Variants in USP9X observed in about 807,000 individuals in gnomAD.
USP9X encodes ubiquitin specific peptidase 9 X-linked, also known as ubiquitin carboxyl-terminal hydrolase 9X.
Under a neutral mutation model 190.3 loss-of-function variants are expected in USP9X, and 7 were observed. The observed-to-expected ratio is 0.04, with a 90% CI of 0.02 to 0.07. The LOEUF is 0.07. Among genes scored for constraint, USP9X ranks in the 10% least tolerant of loss-of-function variants. USP9X has a pLI of 1.00. For missense variants in USP9X, 1,010 were observed against 1,916.9 expected (o/e 0.53, Z 8.83); for synonymous variants, 645 against 659.5 (o/e 0.98, Z 0.34).
At chrX:41,130,111 A>G (rs2062295658) in intron 3 of USP9X, among the ~76,000 whole-genome samples, 1 of 111,841 alleles carries the variant, frequency 8.9e-6, no homozygotes, top group Non-Finnish European at 1.9e-5. Context: ...ACTATCATAT[A>G]TGAATTGATT....
At chrX:41,122,859 T>A (rs1204273003) in intron 1 of USP9X, among the ~76,000 whole-genome samples, 2 of 110,906 alleles carry the variant, frequency 1.8e-5, no homozygotes, top group Non-Finnish European at 3.8e-5. Context: ...GGAGTTCGGC[T>A]ATCTCACAGC....
At chrX:41,207,434 T>C (rs141761143) in intron 32 of USP9X, among the ~76,000 whole-genome samples, 1 of 111,698 alleles carries the variant, frequency 9.0e-6, no homozygotes, top group African/African-American at 3.3e-5. Flanking sequence ...AAAATAACAA[T>C]ATTTTATTTT....
intron 29 of USP9X, 56 bp downstream of exon 29, chrX:41,197,566 A>G: frequency 2.0e-6 from 2 of 1,024,471 alleles, no homozygotes; most frequent in Non-Finnish European, 2.6e-6. Context: ...AAATGTTTAT[A>G]ATCAAATTTA....
chrX:41,089,188 A>T (rs1424525878), intron 1 of USP9X, among the ~76,000 whole-genome samples: 5 of 112,169 alleles, frequency 4.5e-5, no homozygotes, highest in Non-Finnish European at 9.4e-5. Context: ...TTCAGTTATT[A>T]GCATGATTAT....
chrX:41,088,372 A>G (rs2061928945), intron 1 of USP9X, among the ~76,000 whole-genome samples: 1 of 111,955 alleles, frequency 8.9e-6, no homozygotes, highest in African/African-American at 3.2e-5. Context: ...TTTCTTTGAC[A>G]TGGTGGTAAT....
At chrX:41,116,600 C>G (rs2062149319) in intron 1 of USP9X, among the ~76,000 whole-genome samples, 1 of 112,191 alleles carries the variant, frequency 8.9e-6, no homozygotes, top group Non-Finnish European at 1.9e-5. Flanking sequence ...GTTTTTTTCT[C>G]CCACTCAAAC....
chrX:41,172,491 G>A (rs778106844), intron 21 of USP9X, among the ~76,000 whole-genome samples: 4 of 111,870 alleles, frequency 3.6e-5, no homozygotes, highest in African/African-American at 6.5e-5. Flanking sequence ...TATGTCTGGA[G>A]TGTCCTCATA....
chrX:41,089,903 G>GTTTTTTTTTTTTTTTT (rs139093155), intron 1 of USP9X, among the ~76,000 whole-genome samples: 2 of 30,328 alleles, frequency 6.6e-5, no homozygotes, highest in Non-Finnish European at 5.5e-5. Flanking sequence ...ATCTATGAGG[G>GTTTTTTTTTTTTTTTT]TTTTTTTTTT....
intron 26 of USP9X, chrX:41,195,860 A>G (rs751518502): frequency 2.5e-5 from 8 of 326,143 alleles, no homozygotes; most frequent in Non-Finnish European, 4.1e-5. Context: ...CGTGGTTACT[A>G]CAGAATTTCC....
In USP9X at chrX:41,235,947, T is replaced by G. The variant is rs1359942386; in HGVS notation, c.*3423T>G. 8.9e-6 allele frequency: 1 copy of G among 112,037 alleles called. No individual in the cohort carries two copies. The highest frequency in any genetic ancestry group is 1.9e-5 in the Non-Finnish European group (1 of 53,149). The allele number at this position is 112,037 out of a possible 1,213,427, so 9.2% of individuals were successfully genotyped here. On this transcript the variant is annotated 3_prime_UTR_variant, in exon 45 of 45. Transcript: ENST00000378308. ...ACTACTTCGAAGTAATTCAGTTTTT[T>G]TATTAGTATTTTTCCAGCTTATGTT...
chrX:41,157,770 G>T (rs1423453342), intron 14 of USP9X, among the ~76,000 whole-genome samples: 2 of 111,438 alleles, frequency 1.8e-5, no homozygotes, highest in African/African-American at 6.5e-5. Flanking sequence ...GTAGACTGAC[G>T]CAGAGACTGC....
At chrX:41,137,291 A>T (rs1423918785) in intron 6 of USP9X, among the ~76,000 whole-genome samples, 1 of 111,347 alleles carries the variant, frequency 9.0e-6, no homozygotes, top group African/African-American at 3.3e-5. Context: ...TTTGAAATAG[A>T]GTAGGAGATT....
In USP9X at chrX:41,149,559, T is replaced by C. The variant is rs763735727; in HGVS notation, c.1626+984T>C. On this transcript the variant is annotated intron_variant, in intron 12 of 44. Coordinates refer to ENST00000378308, the MANE Select transcript of USP9X (RefSeq NM_001039591.3). Reference sequence around the variant, plus strand: ...GTACATTTGATCATAAATGTTTTCATGGCCTTAAAAATGTACACACTATTA... The same window carrying C: ...GTACATTTGATCATAAATGTTTTCACGGCCTTAAAAATGTACACACTATTA... Among the ~76,000 whole-genome samples, 363 of 110,179 alleles carry C rather than the reference T, an allele frequency of 3.3e-3. 1 individual carries two copies. Among genetic ancestry groups the C allele is most frequent in the African/African-American group, 0.011 (330 of 30,269 alleles).
intron 20 of USP9X, 80 bp downstream of exon 20, chrX:41,170,699 T>G: frequency 4.0e-6 from 4 of 988,481 alleles, no homozygotes; most frequent in East Asian, 3.4e-5. Flanking sequence ...AGAGTGGTTC[T>G]TTCTTTTCTT....
At position 41,189,495 on chromosome X, in the gene USP9X, G is replaced by T; in HGVS notation, c.3977+20G>T. 8.6e-7 allele frequency: 1 copy of T among 1,160,314 alleles called. No individual in the cohort carries two copies. Among genetic ancestry groups the T allele is most frequent in the South Asian group, 2.0e-5 (1 of 49,252 alleles). On this transcript the variant is annotated intron_variant, in intron 26 of 44. Transcript: ENST00000378308. ...CAGCAAGTAAGTATCTTTTTTAATT[G>T]TAAGAAACTTACTTTTTGTAAATGG...
intron 41 of USP9X, among the ~76,000 whole-genome samples, chrX:41,227,840 A>G (rs1378509033): frequency 9.0e-6 from 1 of 111,090 alleles, no homozygotes; most frequent in Non-Finnish European, 1.9e-5. Flanking sequence ...AGCTGGGACT[A>G]CAGGTGCCCG....
At chrX:41,115,242 GAA>G (rs56830972) in intron 1 of USP9X, among the ~76,000 whole-genome samples, 42 of 75,310 alleles carry the variant, frequency 5.6e-4, no homozygotes, top group East Asian at 2.8e-3. Flanking sequence ...AAAAGAAAAA[GAA>G]AAAAAAAAAA....
At chrX:41,172,773 A>G (rs11266303) in intron 21 of USP9X, among the ~76,000 whole-genome samples, 14,654 of 111,163 alleles carry the variant, frequency 0.13, 875 homozygotes, top group East Asian at 0.21. Context: ...AATGTGGGCA[A>G]ACTATCACGT....
At chrX:41,205,096 T>C in intron 31 of USP9X, 2 of 342,770 alleles carry the variant, frequency 5.8e-6, no homozygotes, top group Non-Finnish European at 1.0e-5. Context: ...TCTATCTTTC[T>C]TACACATGGT....
Sources: gnomAD v4.1 joint callset for allele counts (sites outside exome capture counted in the v4.1 genomes callset) on GRCh38, gnomAD v4.1.1 for gene constraint, MANE v1.5 for transcripts, NCBI Gene and HGNC (gene_info 2026-07-23, HGNC 2026-07-21) for gene names.